Variants in RAP1GAP2 observed in about 807,000 individuals in gnomAD.
The protein encoded by RAP1GAP2 is rap1 GTPase-activating protein 2.
In RAP1GAP2, 27 loss-of-function variants were observed where a neutral mutation model predicts 95.0. The observed-to-expected ratio is 0.28, with a 90% confidence interval of 0.21 to 0.39. The LOEUF is 0.39. Ranked by LOEUF, RAP1GAP2 falls within the 10% of genes least tolerant of loss-of-function variation. The pLI is 1.00. For synonymous variants in RAP1GAP2, 373 were observed against 380.9 expected, an observed-to-expected ratio of 0.98 and a Z score of 0.24; for missense variants, 771 against 970.0, an observed-to-expected ratio of 0.79 and a Z score of 2.72.
In RAP1GAP2 at chr17:2,970,790, A is replaced by C. The variant is rs200976638; in HGVS notation, c.596+5147A>C. The stretch of plus-strand genomic sequence containing the variant: ...CACAGTGGCTCATGCCTATAATCCT[A>C]GCACTTTGGGAGGCTGAGGCGGGAG... On this transcript the variant is annotated intron_variant, in intron 8 of 24. Transcript: ENST00000254695. 7.9e-5 allele frequency among the ~76,000 whole-genome samples: 12 copies of C among 152,304 alleles called. No homozygotes were observed. The East Asian group carries it at 2.3e-3, about 29-fold the overall frequency.
rs771277367 is a variant in RAP1GAP2, at chr17:3,031,013, C to A, written c.2184+15C>A. The A allele has an allele frequency of 6.3e-7, 1 of 1,575,234 alleles. No homozygotes were observed. The highest frequency in any genetic ancestry group is 1.1e-5 in the South Asian group (1 of 87,412). ...GCTCTGGTGCGGTAAGGATGCGCCT[C>A]CCACACCCCACACTCCACTTTCTGC... On this transcript the variant is annotated intron_variant, in intron 23 of 24. Transcript: ENST00000254695.
chr17:2,760,089 T>G (rs2151754753), intron 1 of RAP1GAP2, among the ~76,000 whole-genome samples: 1 of 151,844 alleles, frequency 6.6e-6, no homozygotes, highest in African/African-American at 2.4e-5. Flanking sequence ...AAATGGTCTC[T>G]TGGACCATCC....
At chr17:3,006,084 C>T (rs773491312) in intron 16 of RAP1GAP2, 43 bp downstream of exon 16, 2 of 1,413,972 alleles carry the variant, frequency 1.4e-6, no homozygotes, top group Admixed American at 3.4e-5. Flanking sequence ...GACTGCTGGG[C>T]CACCTGTTAG....
rs966555909 is a variant in RAP1GAP2, at chr17:2,825,058, G to A, written c.80+24508G>A. On this transcript the variant is annotated intron_variant, in intron 2 of 24. Coordinates refer to ENST00000254695, the MANE Select transcript of RAP1GAP2 (RefSeq NM_015085.5). This position sits in a 1 kb window ranked among gnomAD's most constrained non-coding sequence, Gnocchi z 4.1. ...CTCATGGCACAAGCAATCTTCCTGC[G>A]TAGCTGGGATGACAGGCATGTGCCA... is the stretch of plus-strand genomic sequence containing the variant. 2.0e-5 allele frequency among the ~76,000 whole-genome samples: 3 copies of A among 152,116 alleles called. No individual in the cohort carries two copies. Among genetic ancestry groups the A allele is most frequent in the Non-Finnish European group, 2.9e-5 (2 of 68,034 alleles).
intron 2 of RAP1GAP2, among the ~76,000 whole-genome samples, chr17:2,881,651 A>G (rs1675268593): frequency 6.6e-6 from 1 of 152,140 alleles, no homozygotes; most frequent in African/African-American, 2.4e-5. Context: ...CTGGAGTGGA[A>G]TTGCTGGGTC....
At chr17:2,923,657 G>GT (rs71377551) in intron 3 of RAP1GAP2, among the ~76,000 whole-genome samples, 67,693 of 149,102 alleles carry the variant, frequency 0.45, 15,814 homozygotes, top group East Asian at 0.61. Flanking sequence ...ATTTTTATCA[G>GT]TTTTTTTTTT....
chr17:2,768,845 G>C (rs117277289), intron 1 of RAP1GAP2, among the ~76,000 whole-genome samples: 9,274 of 151,948 alleles, frequency 0.061, 361 homozygotes, highest in Non-Finnish European at 0.09. Context: ...TGGGAGCCTG[G>C]GAGAGACCCT....
intron 3 of RAP1GAP2, among the ~76,000 whole-genome samples, chr17:2,921,706 T>TA (rs112250116): frequency 0.018 from 824 of 45,210 alleles, 11 homozygotes; most frequent in African/African-American, 0.16. Context: ...GCAGGGCCGT[T>TA]ATGTGTCCAC....
At chr17:2,983,569 C>T (rs1268688039) in intron 10 of RAP1GAP2, among the ~76,000 whole-genome samples, 5 of 152,156 alleles carry the variant, frequency 3.3e-5, no homozygotes, top group Non-Finnish European at 7.3e-5. Context: ...TAATGGTCTT[C>T]AAATTCAGCT....
upstream of RAP1GAP2, among the ~76,000 whole-genome samples, chr17:2,791,841 C>T (rs1339439300): frequency 6.6e-5 from 10 of 151,232 alleles, no homozygotes; most frequent in East Asian, 3.9e-4. Context: ...CTTCACAGAC[C>T]GCTTCCCTTT....
At chr17:2,954,167 C>T (rs553759732) in intron 3 of RAP1GAP2, among the ~76,000 whole-genome samples, 13 of 152,142 alleles carry the variant, frequency 8.5e-5, no homozygotes, top group African/African-American at 2.9e-4. Flanking sequence ...TGCAGTAGCG[C>T]GATCTTGGCT....
chr17:2,830,976 TCCCCTA>T (rs2070815418), intron 2 of RAP1GAP2, among the ~76,000 whole-genome samples: 1 of 74,938 alleles, frequency 1.3e-5, no homozygotes, highest in African/African-American at 5.4e-5. Context: ...TTCCCTCCCT[TCCCCTA>T]CCCTTCCCTC....
At chr17:2,957,584 T>C (rs2044164291) in intron 3 of RAP1GAP2, among the ~76,000 whole-genome samples, 175 bp from the exon 4 acceptor site, 1 of 152,162 alleles carries the variant, frequency 6.6e-6, no homozygotes, top group African/African-American at 2.4e-5. Context: ...TATGGGGTGT[T>C]TGGCCCTCTA....
chr17:3,010,744 G>A (rs1283808903), intron 17 of RAP1GAP2, among the ~76,000 whole-genome samples: 6 of 152,130 alleles, frequency 3.9e-5, no homozygotes, highest in African/African-American at 1.2e-4. Flanking sequence ...TTGATCCAGT[G>A]ATCCAGGGAA....
chr17:2,814,123 G>T (rs2069896011), intron 2 of RAP1GAP2, among the ~76,000 whole-genome samples: 1 of 152,104 alleles, frequency 6.6e-6, no homozygotes, highest in Non-Finnish European at 1.5e-5. Context: ...AAGAAAAGGG[G>T]CAAAGGACAC....
chr17:2,960,869 A>C (rs1231283585), intron 4 of RAP1GAP2, among the ~76,000 whole-genome samples: 1 of 152,198 alleles, frequency 6.6e-6, no homozygotes, highest in Non-Finnish European at 1.5e-5. Flanking sequence ...TCTTGGAAAC[A>C]CCACGTGTTC....
In RAP1GAP2 at chr17:2,963,913, T is replaced by C. The variant is rs567313018; in HGVS notation, c.337T>C (p.Trp113Arg). The C allele has an allele frequency of 6.2e-7, 1 of 1,613,334 alleles. No individual in the cohort carries two copies. Among genetic ancestry groups the C allele is most frequent in the South Asian group, 1.1e-5 (1 of 91,036 alleles). Reference sequence around the variant, plus strand: ...CATCCTGCCACAGTTTGGGGGCTATTGGATCGAGGACCCGGAGAACGTGGG... The same window carrying C: ...CATCCTGCCACAGTTTGGGGGCTATCGGATCGAGGACCCGGAGAACGTGGG... ...QVILPQFGGY[W>R]IEDPENVGTP... is the part of the protein sequence containing the mutation. Residue 113 changes from tryptophan to arginine, a missense_variant, in exon 7 of 25, where the codon TGG becomes CGG. Trp to Arg is a moderately radical substitution (Grantham distance 101). Coordinates refer to ENST00000254695, the MANE Select transcript of RAP1GAP2 (RefSeq NM_015085.5). This position sits in a 1 kb window ranked among gnomAD's most constrained non-coding sequence, Gnocchi z 4.8.
chr17:2,905,533 A>T (rs947048969), intron 3 of RAP1GAP2, among the ~76,000 whole-genome samples, 165 bp downstream of exon 3: 1 of 152,100 alleles, frequency 6.6e-6, no homozygotes, highest in Non-Finnish European at 1.5e-5. Context: ...AGTGCGGGGG[A>T]AGCATGACAA....
At chr17:2,897,310 C>T (rs1407346667) in intron 2 of RAP1GAP2, among the ~76,000 whole-genome samples, 1 of 152,082 alleles carries the variant, frequency 6.6e-6, no homozygotes, top group Non-Finnish European at 1.5e-5. Context: ...TGCACTCCAA[C>T]CTGGGCAACA....
Sources: allele counts gnomAD v4.1 joint callset (sites outside exome capture counted in the v4.1 genomes callset), GRCh38; gene constraint gnomAD v4.1.1; non-coding constraint Gnocchi (gnomAD v3.1); transcripts MANE v1.5; gene names NCBI Gene and HGNC (gene_info 2026-07-23, HGNC 2026-07-21).